The following HDAC4 variants were observed in gnomAD, a reference collection of about 807,000 sequenced individuals.
HDAC4 encodes the protein histone deacetylase 4, also known as histone deacetylase A.
A neutral mutation model predicts 135.1 loss-of-function variants in HDAC4; 16 were observed. The ratio of observed to expected loss-of-function variants is 0.12; its 90% confidence interval spans 0.08 to 0.18. The LOEUF (loss-of-function observed/expected upper bound fraction) is 0.18. Among genes scored for constraint, HDAC4 ranks in the 10% least tolerant of loss-of-function variants. The pLI is 1.00. For missense variants in HDAC4, 1,143 were observed against 1,511.8 expected (o/e 0.76, Z 4.05); for synonymous variants, 685 against 653.4 (o/e 1.05, Z -0.74).
At chr2:239,249,579 T>C (rs1365201731) in intron 2 of HDAC4, among the ~76,000 whole-genome samples, 1 of 151,972 alleles carries the variant, frequency 6.6e-6, no homozygotes, top group Non-Finnish European at 1.5e-5. Context: ...TTTGTGACTT[T>C]CTCAGGAAAA....
rs192912356 is a variant in HDAC4 at position 239,290,660 on chromosome 2, C to T, written c.23-53996G>A. On this transcript the variant is annotated intron_variant, in intron 2 of 26. Transcript: ENST00000543185. Reference sequence around the variant, plus strand: ...GTACGCACACACAACCACACATGCGCGCACGCATGCATTCAGTTCGCACGC... The same window carrying T: ...GTACGCACACACAACCACACATGCGTGCACGCATGCATTCAGTTCGCACGC... 7.9e-5 allele frequency among the ~76,000 whole-genome samples: 12 copies of T among 152,272 alleles called. No individual in the cohort carries two copies. The East Asian group carries it at 9.6e-4, about 12-fold the overall frequency.
intron 3 of HDAC4, among the ~76,000 whole-genome samples, chr2:239,191,960 T>G (rs1488886253): frequency 6.6e-6 from 1 of 152,272 alleles, no homozygotes; most frequent in African/African-American, 2.4e-5. Flanking sequence ...TGTTGTTTTT[T>G]AAATGAAATC....
At chr2:239,325,721 T>C (rs1210666514) in intron 2 of HDAC4, among the ~76,000 whole-genome samples, 1 of 152,060 alleles carries the variant, frequency 6.6e-6, no homozygotes, top group African/African-American at 2.4e-5. Context: ...TCCCAGCACT[T>C]TGGGAGGCCG....
chr2:239,361,419 A>G (rs1693859746), intron 1 of HDAC4, among the ~76,000 whole-genome samples: 2 of 152,248 alleles, frequency 1.3e-5, no homozygotes, highest in African/African-American at 4.8e-5. Flanking sequence ...AGGACTCCCA[A>G]TGCCTCAGAG....
intron 2 of HDAC4, among the ~76,000 whole-genome samples, chr2:239,315,861 A>C (rs1201897243): frequency 6.6e-6 from 1 of 152,252 alleles, no homozygotes; most frequent in Non-Finnish European, 1.5e-5. Context: ...CTGAAAATCC[A>C]GATGCAATTT....
intron 2 of HDAC4, among the ~76,000 whole-genome samples, chr2:239,257,568 C>G (rs144727196): frequency 2.0e-5 from 3 of 152,240 alleles, no homozygotes; most frequent in East Asian, 3.9e-4. Flanking sequence ...GGGTTGGGAT[C>G]TGGAAGCAAC....
chr2:239,332,152 C>T (rs1559368515), intron 2 of HDAC4, among the ~76,000 whole-genome samples: 1 of 152,156 alleles, frequency 6.6e-6, no homozygotes, highest in Non-Finnish European at 1.5e-5. Flanking sequence ...TCCACAGTTA[C>T]ATCAGGGGGA....
At chr2:239,235,541 A>G (rs1248042543) in intron 3 of HDAC4, among the ~76,000 whole-genome samples, 1 of 152,246 alleles carries the variant, frequency 6.6e-6, no homozygotes, top group Non-Finnish European at 1.5e-5. Flanking sequence ...TGCAGGACGC[A>G]TGTGGAACGG....
In HDAC4 at chr2:239,299,367, G is replaced by A. The variant is rs1379926916; in HGVS notation, c.22+53311C>T. ...TTTAAGTACAGGGACAGAGCGTGGT[G>A]CAATGATCAGGACGGAGGTGCCTAA... On this transcript the variant is annotated intron_variant, in intron 2 of 26. Coordinates refer to ENST00000543185, the MANE Select transcript of HDAC4 (RefSeq NM_001378414.1). This position sits in a 1 kb window ranked among gnomAD's most constrained non-coding sequence, Gnocchi z 4.0. Among the ~76,000 whole-genome samples, 1 of 152,198 alleles carries A rather than the reference G, an allele frequency of 6.6e-6. No individual in the cohort carries two copies. Among genetic ancestry groups the A allele is most frequent in the Non-Finnish European group, 1.5e-5 (1 of 68,032 alleles).
intron 7 of HDAC4, among the ~76,000 whole-genome samples, chr2:239,148,558 G>A (rs1049791301): frequency 6.6e-6 from 1 of 152,186 alleles, no homozygotes; most frequent in African/African-American, 2.4e-5. Context: ...CAGCCACATC[G>A]AGGGCAAGAC....
intron 1 of HDAC4, among the ~76,000 whole-genome samples, chr2:239,393,300 A>G (rs761822875): frequency 6.6e-6 from 1 of 152,196 alleles, no homozygotes; most frequent in Non-Finnish European, 1.5e-5. Flanking sequence ...AAGTTAGAAC[A>G]AGAGAGATCA....
chr2:239,221,279 A>G (rs1158271801), intron 3 of HDAC4, among the ~76,000 whole-genome samples: 1 of 152,126 alleles, frequency 6.6e-6, no homozygotes, highest in Non-Finnish European at 1.5e-5. Flanking sequence ...GTCTGTGCAC[A>G]GGAGCGGGGG....
intron 21 of HDAC4, 92 bp from the exon 22 acceptor site, chr2:239,081,284 C>T (rs951950517): frequency 1.9e-5 from 21 of 1,090,732 alleles, no homozygotes; most frequent in South Asian, 7.9e-5. Flanking sequence ...GGGATGGGCT[C>T]GGCCTTGGTG....
chr2:239,267,641 G>C (rs1419472802), intron 2 of HDAC4, among the ~76,000 whole-genome samples: 2 of 152,286 alleles, frequency 1.3e-5, no homozygotes, highest in Non-Finnish European at 2.9e-5. Flanking sequence ...AGCCAAGGCA[G>C]ACCTGGAGGG....
Position 239,297,953 on chromosome 2 carries a change from G to A in HDAC4, c.22+54725C>T, listed in dbSNP as rs562789071. On this transcript the variant is annotated intron_variant, in intron 2 of 26. Transcript: ENST00000543185. Reference sequence around the variant, plus strand: ...GCCCCCAAGTCAAATCATTATTCCCGGTGCCGCGGCTGCTAAGTGCCTCTG... The same window carrying A: ...GCCCCCAAGTCAAATCATTATTCCCAGTGCCGCGGCTGCTAAGTGCCTCTG... Among the ~76,000 whole-genome samples, 20 of 152,210 alleles carry A rather than the reference G, an allele frequency of 1.3e-4. No homozygotes were observed. The South Asian group carries it at 3.9e-3, about 30-fold the overall frequency.
intron 2 of HDAC4, among the ~76,000 whole-genome samples, chr2:239,347,785 G>A (rs1222675351): frequency 6.6e-6 from 1 of 152,168 alleles, no homozygotes. Flanking sequence ...AAAGCACGAG[G>A]ATTACAGGTT....
At chr2:239,339,673 A>G (rs1189459349) in intron 2 of HDAC4, among the ~76,000 whole-genome samples, 2 of 152,192 alleles carry the variant, frequency 1.3e-5, no homozygotes, top group Admixed American at 6.5e-5. Context: ...GGCCCCCTGC[A>G]ATCTCCTGGC....
Position 239,119,161 on chromosome 2 carries a change from AC to A in HDAC4, c.1534-3852del, listed in dbSNP as rs1161073354. Among the ~76,000 whole-genome samples the A allele has an allele frequency of 3.3e-5, 5 of 152,144 alleles. No homozygotes were observed. The South Asian group carries it at 1.0e-3, about 31-fold the overall frequency. ...GCAGTCTGATGTGTAACGGGATGTG[AC>A]TGACTGAGTGGTGTATGGGAGGTTT... is the stretch of plus-strand genomic sequence containing the variant. On this transcript the variant is annotated intron_variant, in intron 12 of 26. Coordinates refer to ENST00000543185, the MANE Select transcript of HDAC4 (RefSeq NM_001378414.1).
At chr2:239,162,636 C>T (rs1054422989) in intron 6 of HDAC4, among the ~76,000 whole-genome samples, 4 of 152,136 alleles carry the variant, frequency 2.6e-5, no homozygotes, top group South Asian at 2.1e-4. Flanking sequence ...CTCCCATGGA[C>T]GCCGGTCTCA....
Sources: gnomAD v4.1 joint callset for allele counts (sites outside exome capture counted in the v4.1 genomes callset) on GRCh38, gnomAD v4.1.1 for gene constraint, Gnocchi (gnomAD v3.1) non-coding constraint, MANE v1.5 for transcripts, NCBI Gene and HGNC (gene_info 2026-07-23, HGNC 2026-07-21) for gene names.